Variants in CSRNP3 observed in about 807,000 individuals in gnomAD.
CSRNP3 encodes the protein cysteine/serine-rich nuclear protein 3.
CSRNP3 carries 12 observed loss-of-function variants against 48.0 expected under a neutral mutation model. That is an observed-to-expected ratio of 0.25 (90% CI 0.16 to 0.41). The LOEUF is 0.41. Among genes scored for constraint, CSRNP3 ranks in the 10% least tolerant of loss-of-function variants. The pLI is 1.00. For synonymous variants in CSRNP3, 263 were observed against 269.7 expected, an observed-to-expected ratio of 0.98 and a Z score of 0.24; for missense variants, 580 against 724.4, an observed-to-expected ratio of 0.80 and a Z score of 2.29.
At chr2:165,604,680 G>A (rs1298009409) in intron 4 of CSRNP3, among the ~76,000 whole-genome samples, 2 of 152,170 alleles carry the variant, frequency 1.3e-5, no homozygotes, top group Non-Finnish European at 2.9e-5. Context: ...ATTGGATGCT[G>A]TGCAGCTATT....
chr2:165,527,966 AAG>A lies in CSRNP3; in HGVS notation c.-24+10019_-24+10020del, dbSNP rs946041237. ...AGATATGAGAGAAAGAAAGAGAAAA[AAG>A]AGAGAGAGAGAGAAAGGAGAGGGAG... On this transcript the variant is annotated intron_variant, in intron 3 of 6. Transcript: ENST00000651982. 3.3e-5 allele frequency among the ~76,000 whole-genome samples: 5 copies of A among 151,520 alleles called. No individual in the cohort carries two copies. In the East Asian group the frequency reaches 5.8e-4, roughly 18 times the overall value.
intron 3 of CSRNP3, among the ~76,000 whole-genome samples, chr2:165,565,457 C>T (rs1287122546): frequency 2.0e-5 from 3 of 152,008 alleles, no homozygotes; most frequent in South Asian, 2.1e-4. Context: ...TGAAGGAACA[C>T]GTGTACTATA....
intron 4 of CSRNP3, among the ~76,000 whole-genome samples, chr2:165,646,030 C>T (rs528150014): frequency 6.6e-6 from 1 of 152,262 alleles, no homozygotes; most frequent in East Asian, 1.9e-4. Context: ...CAGGCATGAG[C>T]GATTGCACCC....
At chr2:165,605,753 T>A (rs1436558782) in intron 4 of CSRNP3, among the ~76,000 whole-genome samples, 3 of 152,142 alleles carry the variant, frequency 2.0e-5, no homozygotes, top group Non-Finnish European at 2.9e-5. Flanking sequence ...CCAGAGAATA[T>A]GGCCAAGTAT....
At chr2:165,479,146 T>C (rs1238969414) in intron 1 of CSRNP3, among the ~76,000 whole-genome samples, 1 of 152,196 alleles carries the variant, frequency 6.6e-6, no homozygotes, top group Non-Finnish European at 1.5e-5. Context: ...TTTTTATAGC[T>C]ATTATGAATG....
intron 3 of CSRNP3, among the ~76,000 whole-genome samples, chr2:165,590,592 T>C (rs1685700526): frequency 6.6e-6 from 1 of 152,190 alleles, no homozygotes; most frequent in African/African-American, 2.4e-5. Context: ...TGTCATGGGA[T>C]GGACCCGGTG....
At chr2:165,651,871 G>T (rs1460568091) in intron 4 of CSRNP3, among the ~76,000 whole-genome samples, 1 of 152,030 alleles carries the variant, frequency 6.6e-6, no homozygotes, top group Non-Finnish European at 1.5e-5. Context: ...GGCCAGGCTG[G>T]TGTTGAACTC....
chr2:165,630,802 G>A lies in CSRNP3; in HGVS notation c.149-26959G>A, dbSNP rs75661808. On this transcript the variant is annotated intron_variant, in intron 4 of 6. Coordinates refer to ENST00000651982, the MANE Select transcript of CSRNP3 (RefSeq NM_001172173.2). Reference sequence around the variant, plus strand: ...TGTAATAAAATTGATGATATTTGACGTGTTCAAAGTTAGTTCTTTGATTAT... The same window carrying A: ...TGTAATAAAATTGATGATATTTGACATGTTCAAAGTTAGTTCTTTGATTAT... Among the ~76,000 whole-genome samples the A allele has an allele frequency of 1.4e-4, 22 of 152,266 alleles. No individual in the cohort carries two copies. In the East Asian group the frequency reaches 1.7e-3, roughly 12 times the overall value.
At chr2:165,643,349 C>T (rs1158033590) in intron 4 of CSRNP3, among the ~76,000 whole-genome samples, 4 of 152,298 alleles carry the variant, frequency 2.6e-5, no homozygotes, top group South Asian at 4.1e-4. Flanking sequence ...AAGTCTTCCT[C>T]TGGGACAAAG....
intron 4 of CSRNP3, among the ~76,000 whole-genome samples, chr2:165,639,766 T>G (rs771520011): frequency 1.3e-5 from 2 of 152,204 alleles, no homozygotes; most frequent in African/African-American, 2.4e-5. Context: ...GGAGAGCCAC[T>G]TGGAGCCTCT....
At chr2:165,655,834 G>A (rs1388740213) in intron 4 of CSRNP3, among the ~76,000 whole-genome samples, 1 of 152,028 alleles carries the variant, frequency 6.6e-6, no homozygotes, top group Non-Finnish European at 1.5e-5. Context: ...TTCCCTCTAC[G>A]CATGTCTGTG....
chr2:165,495,928 T>C lies in CSRNP3; in HGVS notation c.-113+1000T>C, dbSNP rs558644189. On this transcript the variant is annotated intron_variant, in intron 2 of 6. Transcript: ENST00000651982. The stretch of plus-strand genomic sequence containing the variant: ...CCTTAATGGGTGTAGCAAGCCGATA[T>C]GGCACATGTATACCTATGTAACAAA... 1.7e-4 allele frequency among the ~76,000 whole-genome samples: 26 copies of C among 152,106 alleles called. No homozygotes were observed. In the East Asian group the frequency reaches 5.0e-3, roughly 29 times the overall value.
chr2:165,476,813 G>A (rs1877873), intron 1 of CSRNP3, among the ~76,000 whole-genome samples: 13,579 of 152,278 alleles, frequency 0.089, 894 homozygotes, highest in Middle Eastern at 0.15. Flanking sequence ...AAGATTGGCA[G>A]GTGTACATAG....
chr2:165,612,379 A>G (rs1252559632), intron 4 of CSRNP3, among the ~76,000 whole-genome samples: 2 of 152,090 alleles, frequency 1.3e-5, no homozygotes, highest in Non-Finnish European at 2.9e-5. Context: ...TAGTGTGTCT[A>G]TACTTCAGTA....
At chr2:165,521,661 G>A (rs965775835) in intron 3 of CSRNP3, among the ~76,000 whole-genome samples, 3 of 151,996 alleles carry the variant, frequency 2.0e-5, no homozygotes, top group Non-Finnish European at 2.9e-5. Flanking sequence ...CCATCGTTCT[G>A]GCAAATAATT....
chr2:165,661,327 C>T (rs999985595), intron 5 of CSRNP3, among the ~76,000 whole-genome samples: 5 of 152,266 alleles, frequency 3.3e-5, no homozygotes, highest in Admixed American at 6.5e-5. Context: ...ATACACCTAA[C>T]GTACTGAACA....
chr2:165,626,335 T>C (rs12614636), intron 4 of CSRNP3, among the ~76,000 whole-genome samples: 123,763 of 152,002 alleles, frequency 0.81, 50,528 homozygotes, highest in Non-Finnish European at 0.84. Context: ...AGGGAAGGAG[T>C]GAGATGGACA....
At chr2:165,492,355 A>G (rs1225008692) in intron 1 of CSRNP3, among the ~76,000 whole-genome samples, 1 of 152,080 alleles carries the variant, frequency 6.6e-6, no homozygotes, top group African/African-American at 2.4e-5. Flanking sequence ...GAAATAGCCA[A>G]AGTCCTTGAA....
Position 165,495,957 on chromosome 2 carries a change from G to C in CSRNP3, c.-113+1029G>C, listed in dbSNP as rs115558295. On this transcript the variant is annotated intron_variant, in intron 2 of 6. Coordinates refer to ENST00000651982, the MANE Select transcript of CSRNP3 (RefSeq NM_001172173.2). ...ACATGTATACCTATGTAACAAACCT[G>C]CATGTCGTACACATTTACCCCAGAA... 5.9e-5 allele frequency among the ~76,000 whole-genome samples: 9 copies of C among 151,868 alleles called. No individual in the cohort carries two copies. In the East Asian group the frequency reaches 1.7e-3, roughly 29 times the overall value.
Sources: gnomAD v4.1 joint callset for allele counts (sites outside exome capture counted in the v4.1 genomes callset) on GRCh38, gnomAD v4.1.1 for gene constraint, MANE v1.5 for transcripts, NCBI Gene and HGNC (gene_info 2026-07-23, HGNC 2026-07-21) for gene names.